Variants in PACS2 observed in about 807,000 individuals in gnomAD.
PACS2 encodes PACS1-like protein.
In PACS2, 36 loss-of-function variants were observed where a neutral mutation model predicts 113.0. That is an observed-to-expected ratio of 0.32 (90% CI 0.24 to 0.42). The LOEUF (loss-of-function observed/expected upper bound fraction) is 0.42. PACS2 is among the 10% of genes least tolerant of loss of function. The pLI, the probability that PACS2 is intolerant of heterozygous loss-of-function variation, is 1.00. For synonymous variants in PACS2, 589 were observed against 536.1 expected (o/e 1.10, Z -1.36); for missense variants, 1,015 against 1,239.5 (o/e 0.82, Z 2.72).
chr14:105,375,817 GT>G (rs2061335731), intron 8 of PACS2, among the ~76,000 whole-genome samples: 1 of 152,200 alleles, frequency 6.6e-6, no homozygotes, highest in African/African-American at 2.4e-5. Flanking sequence ...CCACTCAGAC[GT>G]TCACAGCAGC....
chr14:105,308,534 G>C (rs2058258511), intron 1 of PACS2, among the ~76,000 whole-genome samples: 1 of 149,100 alleles, frequency 6.7e-6, no homozygotes, highest in Admixed American at 6.7e-5. Flanking sequence ...CCGGGCTGGA[G>C]TGCAGTGGTG....
At chr14:105,364,190 A>T (rs1555407326) in intron 4 of PACS2, among the ~76,000 whole-genome samples, 1 of 152,260 alleles carries the variant, frequency 6.6e-6, no homozygotes, top group Non-Finnish European at 1.5e-5. Context: ...GACTTGCTTG[A>T]TGCAGGGTTG....
At chr14:105,332,453 C>T (rs142596270) in intron 1 of PACS2, among the ~76,000 whole-genome samples, 229 of 152,276 alleles carry the variant, frequency 1.5e-3, no homozygotes, top group Non-Finnish European at 2.6e-3. Context: ...CCTGTGTGGC[C>T]GACCACCTCC....
intron 13 of PACS2, 56 bp from the exon 14 acceptor site, chr14:105,382,421 G>C (rs2081026531): frequency 9.6e-7 from 1 of 1,045,782 alleles, no homozygotes; most frequent in Non-Finnish European, 1.5e-6. Context: ...GGCTGGCGTG[G>C]TGGGGATGGG....
rs782662452 is a variant in PACS2, at chr14:105,367,374, G to A, written c.585G>A (p.Thr195=). The A allele has an allele frequency of 1.5e-5, 24 of 1,612,612 alleles. No individual in the cohort carries two copies. Among genetic ancestry groups the A allele is most frequent in the Non-Finnish European group, 1.9e-5 (23 of 1,179,632 alleles). ...AGGCCGGCCCCAAGGCCAAGTCCAC[G>A]GGTGAGTGTGGTGCCAGCCCGCTCC... ...TMQAGPKAKS[T]DNYSEEEYES... is the part of the protein sequence containing the mutation. The change falls in exon 5 of 25, where the codon ACG becomes ACA. Residue 195 remains threonine (T), a splice_region_variant and synonymous_variant. Coordinates refer to ENST00000447393, the MANE Select transcript of PACS2 (RefSeq NM_001100913.3).
chr14:105,311,097 C>T (rs587747210), upstream of PACS2, among the ~76,000 whole-genome samples: 44 of 151,832 alleles, frequency 2.9e-4, no homozygotes, highest in Admixed American at 6.6e-4. Flanking sequence ...GGATTACAGG[C>T]GCGCACCATC....
At chr14:105,336,790 G>A (rs1317995717) in intron 1 of PACS2, 1 of 152,248 alleles carries the variant, frequency 6.6e-6, no homozygotes, top group Non-Finnish European at 1.5e-5. Flanking sequence ...ATGTAGCATG[G>A]TGCAGCTGTT....
chr14:105,325,707 C>G (rs1315190474), intron 1 of PACS2, among the ~76,000 whole-genome samples: 2 of 152,232 alleles, frequency 1.3e-5, no homozygotes, highest in Non-Finnish European at 2.9e-5. Flanking sequence ...AGCACTGTCC[C>G]TTCCCTGGCA....
In PACS2 at chr14:105,392,718, T is replaced by A; in HGVS notation, c.2355T>A (p.Pro785=). ...GGGACGCCGAGAAGAAGGACCTGCC[T>A]GTCACCAAAAACACGCTCAAGTGCA... ...RKRDAEKKDL[P]VTKNTLKCTF... is the part of the protein sequence containing the mutation. Residue 785 remains proline (P), a synonymous_variant, in exon 23 of 25, where the codon CCT becomes CCA. Transcript: ENST00000447393. The A allele has an allele frequency of 6.2e-7, 1 of 1,612,950 alleles. No homozygotes were observed. Among genetic ancestry groups the A allele is most frequent in the Non-Finnish European group, 8.5e-7 (1 of 1,179,972 alleles).
chr14:105,392,000 T>G (rs77112553), intron 22 of PACS2: 5,892 of 548,614 alleles, frequency 0.011, 290 homozygotes, highest in African/African-American at 0.1. Context: ...TGAATAAACA[T>G]GGGCGTTGTG....
rs138789581 is a variant in PACS2, at chr14:105,376,505, C to T, written c.802-263C>T. Reference sequence around the variant, plus strand: ...CTCACCTGCCTGCACCCAGGCCCTCCGTGCACCCTGGCAGCCCAGATGACT... The same window carrying T: ...CTCACCTGCCTGCACCCAGGCCCTCTGTGCACCCTGGCAGCCCAGATGACT... On this transcript the variant is annotated intron_variant, in intron 8 of 24. Coordinates refer to ENST00000447393, the MANE Select transcript of PACS2 (RefSeq NM_001100913.3). The surrounding 1 kb of genome is among the most constrained non-coding windows in gnomAD (Gnocchi z 4.7). Among the ~76,000 whole-genome samples, 3 of 152,280 alleles carry T rather than the reference C, an allele frequency of 2.0e-5. No homozygotes were observed. The highest frequency in any genetic ancestry group is 2.9e-5 in the Non-Finnish European group (2 of 68,002).
At chr14:105,371,614 C>A (rs782019908) in intron 8 of PACS2, 1 of 152,208 alleles carries the variant, frequency 6.6e-6, no homozygotes, top group Non-Finnish European at 1.5e-5. Flanking sequence ...ACCATCTCCG[C>A]CACAGCTCTG....
rs587683135 is a variant in PACS2 at position 105,361,671 on chromosome 14, C to T, written c.424-5542C>T. Among the ~76,000 whole-genome samples the T allele has an allele frequency of 1.2e-4, 18 of 149,232 alleles. No homozygotes were observed. The South Asian group carries it at 1.3e-3, about 11-fold the overall frequency. ...CAAACAAACAAAAAAATTAGTGGGC[C>T]GGGTGCAATGGCTCACGCCGGTAAT... On this transcript the variant is annotated intron_variant, in intron 4 of 24. Transcript: ENST00000447393.
Position 105,364,857 on chromosome 14 carries a change from A to G in PACS2, c.424-2356A>G, listed in dbSNP as rs148942070. Among the ~76,000 whole-genome samples the G allele has an allele frequency of 3.5e-3, 537 of 151,960 alleles. 3 individuals carry two copies. The highest frequency in any genetic ancestry group is 0.012 in the African/African-American group (483 of 41,460). On this transcript the variant is annotated intron_variant, in intron 4 of 24. Coordinates refer to ENST00000447393, the MANE Select transcript of PACS2 (RefSeq NM_001100913.3). ...ACTACAGGTGCGCACCACCATGCCC[A>G]GCTAATTTTTTATACTTTTTGTAGA... is the stretch of plus-strand genomic sequence containing the variant.
intron 2 of PACS2, among the ~76,000 whole-genome samples, chr14:105,350,898 C>T (rs1255229585): frequency 1.3e-5 from 2 of 152,196 alleles, no homozygotes; most frequent in Non-Finnish European, 2.9e-5. Flanking sequence ...GGAGGGCTGG[C>T]CGAGGAGAGC....
At chr14:105,303,226 GC>G (rs2058089444) in intron 1 of PACS2, among the ~76,000 whole-genome samples, 1 of 151,852 alleles carries the variant, frequency 6.6e-6, no homozygotes, top group Admixed American at 6.6e-5. Context: ...AATGCACCCG[GC>G]CCCTTTTTCT....
upstream of PACS2, among the ~76,000 whole-genome samples, chr14:105,309,839 G>A (rs1156684510): frequency 1.4e-5 from 2 of 142,406 alleles, no homozygotes; most frequent in Non-Finnish European, 3.0e-5. The surrounding 1 kb of genome is among the most constrained non-coding windows in gnomAD (Gnocchi z 4.0). Context: ...AGGCAGGAGT[G>A]CAGTGGCACA....
Position 105,314,950 on chromosome 14 carries a change from G to A in PACS2, c.32G>A (p.Gly11Asp). The A allele has an allele frequency of 8.5e-7, 1 of 1,176,990 alleles. No individual in the cohort carries two copies. The highest frequency in any genetic ancestry group is 1.8e-5 in the South Asian group (1 of 54,330). The allele number at this position is 1,176,990 out of a possible 1,614,324, so 72.9% of individuals were successfully genotyped here. A position where few individuals can be genotyped will look rare whatever the true frequency, so the allele number is the denominator to read the frequency against. The change falls in exon 1 of 25, where the codon GGC becomes GAC. Residue 11 changes from glycine (G) to aspartate (D), a missense_variant. Physicochemically the swap from Gly to Asp is moderately conservative, Grantham distance 94. Around this residue, in one of 3 missense-constraint regions of PACS2, gnomAD observed 140 missense variants for 135.1 expected, o/e 1.04. Coordinates refer to ENST00000447393, the MANE Select transcript of PACS2 (RefSeq NM_001100913.3). ...GAGCGAGGCCGCCTCGGCCTCCCCG[G>A]CGCGCCCGGCGCGCTCAACACGCCC... is the stretch of plus-strand genomic sequence containing the variant. MAERGRLGLP[G>D]APGALNTPVP... is the part of the protein sequence containing the mutation.
At chr14:105,326,040 A>G (rs2059089594) in intron 1 of PACS2, among the ~76,000 whole-genome samples, 1 of 152,378 alleles carries the variant, frequency 6.6e-6, no homozygotes, top group East Asian at 1.9e-4. Context: ...CTGACCTTGC[A>G]GGAGGCATTG....
Sources: gnomAD v4.1 joint callset for allele counts (sites outside exome capture counted in the v4.1 genomes callset) on GRCh38, gnomAD v4.1.1 for gene constraint, gnomAD v4.1.1 regional missense constraint, Gnocchi (gnomAD v3.1) non-coding constraint, MANE v1.5 for transcripts, NCBI Gene and HGNC (gene_info 2026-07-23, HGNC 2026-07-21) for gene names.